ZBTB20: variants seen among roughly 807,000 people sequenced by gnomAD.
ZBTB20 encodes the protein zinc finger and BTB domain-containing protein 20.
Under a neutral mutation model 56.9 loss-of-function variants are expected in ZBTB20, and 9 were observed. That is an observed-to-expected ratio of 0.16 (90% confidence interval 0.10 to 0.28). The LOEUF is 0.28. Ranked by LOEUF, ZBTB20 falls within the 10% of genes least tolerant of loss-of-function variation. The pLI is 1.00. For synonymous variants in ZBTB20, 417 were observed against 420.7 expected (o/e 0.99, Z 0.11); for missense variants, 655 against 1,003.0 (o/e 0.65, Z 4.69).
At chr3:114,531,688 C>T (rs1490537935) in intron 6 of ZBTB20, among the ~76,000 whole-genome samples, 1 of 152,146 alleles carries the variant, frequency 6.6e-6, no homozygotes, top group Non-Finnish European at 1.5e-5. Flanking sequence ...AAAAAATGAC[C>T]CTGGCTGGCA....
chr3:114,459,740 G>C (rs756086313), intron 7 of ZBTB20, among the ~76,000 whole-genome samples: 31 of 151,812 alleles, frequency 2.0e-4, no homozygotes, highest in Non-Finnish European at 4.0e-4. Flanking sequence ...AATATTGGAG[G>C]GTATAGTATT....
At chr3:114,438,870 C>T (rs564196832) in intron 7 of ZBTB20, among the ~76,000 whole-genome samples, 20 of 152,286 alleles carry the variant, frequency 1.3e-4, no homozygotes, top group African/African-American at 4.8e-4. Flanking sequence ...ACCCATGAAG[C>T]TGGCCCTAGT....
At chr3:114,573,199 C>T (rs1273868054) in intron 6 of ZBTB20, among the ~76,000 whole-genome samples, 1 of 152,040 alleles carries the variant, frequency 6.6e-6, no homozygotes, top group Non-Finnish European at 1.5e-5. Flanking sequence ...GTGGCTCACG[C>T]CTGTAATTCC....
Position 114,326,121 on chromosome 3 carries a change from A to C in ZBTB20, c.*12884T>G, listed in dbSNP as rs567094177. On this transcript the variant is annotated 3_prime_UTR_variant, in exon 12 of 12. Transcript: ENST00000675478. Reference sequence around the variant, plus strand: ...GAAAAGCAACAACTACAATGATAAAAATCAACAGATCAATTGATTTTGGCA... The same window carrying C: ...GAAAAGCAACAACTACAATGATAAACATCAACAGATCAATTGATTTTGGCA... 2 of 152,260 alleles carry C rather than the reference A, an allele frequency of 1.3e-5. No homozygotes were observed. The highest frequency in any genetic ancestry group is 3.9e-4 in the East Asian group (2 of 5,186). The allele number at this position is 152,260 out of a possible 1,614,324, so 9.4% of individuals were successfully genotyped here. A position where few individuals can be genotyped will look rare whatever the true frequency, so the allele number is the denominator to read the frequency against.
At chr3:114,807,166 T>C (rs1560272912) in intron 4 of ZBTB20, among the ~76,000 whole-genome samples, 1 of 152,036 alleles carries the variant, frequency 6.6e-6, no homozygotes, top group Admixed American at 6.6e-5. Context: ...TTGAACTGTT[T>C]TCTTAATTTC....
rs550811181 is a variant in ZBTB20 at position 114,515,404 on chromosome 3, C to T, written c.-294-15013G>A. Among the ~76,000 whole-genome samples the T allele has an allele frequency of 2.6e-5, 4 of 152,316 alleles. No individual in the cohort carries two copies. The South Asian group carries it at 8.3e-4, about 32-fold the overall frequency. ...TCAGATGAACCCACATGTATGTTCT[C>T]CTCAGCTTCCAGGCTGCTGATCCTT... On this transcript the variant is annotated intron_variant, in intron 6 of 11. Transcript: ENST00000675478.
At chr3:114,380,052 C>T (rs6796182) in intron 10 of ZBTB20, among the ~76,000 whole-genome samples, 165 bp downstream of exon 10, 2 of 152,118 alleles carry the variant, frequency 1.3e-5, no homozygotes, top group Non-Finnish European at 2.9e-5. Context: ...TCTAGCTTTG[C>T]AAACTTATAG....
chr3:114,527,698 C>A (rs535443301), intron 6 of ZBTB20, among the ~76,000 whole-genome samples: 1 of 152,236 alleles, frequency 6.6e-6, no homozygotes, highest in East Asian at 1.9e-4. Flanking sequence ...ATTGCAACTT[C>A]ATGTTAAATA....
intron 1 of ZBTB20, among the ~76,000 whole-genome samples, chr3:115,092,860 A>G (rs974217010): frequency 6.6e-6 from 1 of 152,148 alleles, no homozygotes; most frequent in Non-Finnish European, 1.5e-5. Context: ...AAAAATCATC[A>G]CAAAATTAAA....
intron 8 of ZBTB20, among the ~76,000 whole-genome samples, chr3:114,384,170 C>T (rs2084788864): frequency 1.3e-5 from 2 of 151,344 alleles, no homozygotes; most frequent in South Asian, 4.2e-4. Context: ...CTCTCTCTCT[C>T]CAACCCCTTC....
chr3:114,340,080 G>C (rs1181198079), intron 11 of ZBTB20, among the ~76,000 whole-genome samples: 1 of 152,122 alleles, frequency 6.6e-6, no homozygotes, highest in African/African-American at 2.4e-5. Flanking sequence ...TTAATTGCCT[G>C]TTCTCTATTG....
At chr3:114,633,430 T>C (rs1486677889) in intron 6 of ZBTB20, among the ~76,000 whole-genome samples, 1 of 152,224 alleles carries the variant, frequency 6.6e-6, no homozygotes, top group Non-Finnish European at 1.5e-5. Context: ...CCTGTTGATC[T>C]ATCTGAAATC....
At chr3:114,429,635 A>G (rs1020658864) in intron 7 of ZBTB20, among the ~76,000 whole-genome samples, 3 of 152,092 alleles carry the variant, frequency 2.0e-5, no homozygotes, top group Admixed American at 6.5e-5. Flanking sequence ...GATCTAACAC[A>G]TTTGTAGTCA....
At chr3:114,941,888 T>G (rs1404974764) in intron 3 of ZBTB20, among the ~76,000 whole-genome samples, 1 of 146,110 alleles carries the variant, frequency 6.8e-6, no homozygotes, top group Non-Finnish European at 1.5e-5. Flanking sequence ...AAATATTACA[T>G]TACACATGGT....
intron 6 of ZBTB20, among the ~76,000 whole-genome samples, chr3:114,515,862 T>C (rs954750501): frequency 6.6e-6 from 1 of 152,190 alleles, no homozygotes; most frequent in Non-Finnish European, 1.5e-5. Flanking sequence ...ACAATAACAA[T>C]GATAATAAAC....
intron 6 of ZBTB20, among the ~76,000 whole-genome samples, chr3:114,628,074 C>G (rs2058742129): frequency 6.6e-6 from 1 of 152,172 alleles, no homozygotes; most frequent in Admixed American, 6.5e-5. Context: ...ACTCCATAGT[C>G]TCTGCCAACA....
intron 6 of ZBTB20, among the ~76,000 whole-genome samples, chr3:114,516,349 T>G (rs934598899): frequency 6.6e-6 from 1 of 152,190 alleles, no homozygotes; most frequent in African/African-American, 2.4e-5. Context: ...CCCTTGTACT[T>G]TCTTTATGTT....
chr3:114,937,828 T>A (rs1467831116), intron 3 of ZBTB20, among the ~76,000 whole-genome samples: 1 of 152,088 alleles, frequency 6.6e-6, no homozygotes, highest in Non-Finnish European at 1.5e-5. Flanking sequence ...CCGGGCACGG[T>A]GGCTCACGCC....
chr3:115,110,030 C>G (rs1240059294), intron 1 of ZBTB20, among the ~76,000 whole-genome samples: 1 of 151,708 alleles, frequency 6.6e-6, no homozygotes. Flanking sequence ...GCCAACATGG[C>G]GAAACTCCGT....
Sources: gnomAD v4.1 joint callset for allele counts (sites outside exome capture counted in the v4.1 genomes callset) on GRCh38, gnomAD v4.1.1 for gene constraint, MANE v1.5 for transcripts, NCBI Gene and HGNC (gene_info 2026-07-23, HGNC 2026-07-21) for gene names.